Variants in PCNX2 observed in about 807,000 individuals in gnomAD.
The protein encoded by PCNX2 is pecanex-like protein 2.
PCNX2 carries 168 observed loss-of-function variants against 223.8 expected under a neutral mutation model. That is an observed-to-expected ratio of 0.75 (90% confidence interval 0.66 to 0.85). The LOEUF (loss-of-function observed/expected upper bound fraction) is 0.85, where lower values mean the gene tolerates loss of function less well. Ranked by LOEUF, PCNX2 falls within the 40% of genes least tolerant of loss-of-function variation. The probability of loss-of-function intolerance (pLI) is 0.00; values close to 1 mark genes in which losing one functional copy is unlikely to be tolerated. For missense variants in PCNX2, 2,507 were observed against 2,675.5 expected, an observed-to-expected ratio of 0.94 and a Z score of 1.39; for synonymous variants, 1,006 against 1,052.6, an observed-to-expected ratio of 0.96 and a Z score of 0.86.
chr1:233,226,760 G>A lies in PCNX2; in HGVS notation c.2504+466C>T, dbSNP rs183506976. Among the ~76,000 whole-genome samples, 308 of 152,192 alleles carry A rather than the reference G, an allele frequency of 2.0e-3. 1 individual carries two copies. Among genetic ancestry groups the A allele is most frequent in the African/African-American group, 6.9e-3 (287 of 41,528 alleles). ...ATACAAGTGAGCAATAAGAATCCAA[G>A]GTGTCCGGGAAAGAGGCAGAAATCA... On this transcript the variant is annotated intron_variant, in intron 10 of 33. Coordinates refer to ENST00000258229, the MANE Select transcript of PCNX2 (RefSeq NM_014801.4).
intron 28 of PCNX2, among the ~76,000 whole-genome samples, chr1:233,004,460 CT>C (rs537817732): frequency 2.5e-3 from 355 of 143,370 alleles, no homozygotes; most frequent in Admixed American, 2.7e-3. Flanking sequence ...ACAGTTTCTC[CT>C]TTTTTTTTTT....
intron 1 of PCNX2, among the ~76,000 whole-genome samples, chr1:233,275,361 C>T (rs566072464): frequency 2.6e-5 from 4 of 151,998 alleles, no homozygotes; most frequent in Non-Finnish European, 5.9e-5. Flanking sequence ...TGCCACCATG[C>T]CCAGATAATT....
intron 28 of PCNX2, among the ~76,000 whole-genome samples, chr1:233,004,305 C>G (rs1000945088): frequency 3.3e-5 from 5 of 152,036 alleles, no homozygotes; most frequent in Middle Eastern, 3.2e-3. Flanking sequence ...CTTCCATTTC[C>G]CACACATCAC....
the PCNX2 span, among the ~76,000 whole-genome samples, chr1:233,315,680 G>A: frequency 9.9e-5 from 15 of 152,164 alleles, no homozygotes; most frequent in South Asian, 1.2e-3. Context: ...GTAAATTTGC[G>A]CAGGGAAAGA....
intron 8 of PCNX2, among the ~76,000 whole-genome samples, chr1:233,243,544 CA>C (rs1658912638): frequency 6.6e-6 from 1 of 152,154 alleles, no homozygotes; most frequent in African/African-American, 2.4e-5. Flanking sequence ...TGTTGGAATA[CA>C]ACAGGTATTT....
chr1:233,121,497 A>G (rs1675790998), intron 21 of PCNX2, among the ~76,000 whole-genome samples: 1 of 152,244 alleles, frequency 6.6e-6, no homozygotes, highest in Non-Finnish European at 1.5e-5. Flanking sequence ...ACATATATTA[A>G]TTGAACAAAA....
chr1:233,047,876 T>G (rs749081708), intron 25 of PCNX2, among the ~76,000 whole-genome samples: 1 of 152,036 alleles, frequency 6.6e-6, no homozygotes, highest in Admixed American at 6.6e-5. Flanking sequence ...TAGAAATCTA[T>G]AGAATACTCC....
intron 15 of PCNX2, among the ~76,000 whole-genome samples, chr1:233,195,267 C>G (rs893393045): frequency 2.6e-5 from 4 of 152,206 alleles, no homozygotes; most frequent in African/African-American, 7.2e-5. Flanking sequence ...AATTTAACAT[C>G]ATTTATGATG....
At chr1:233,252,037 G>A (rs1321521021) in intron 7 of PCNX2, among the ~76,000 whole-genome samples, 3 of 152,194 alleles carry the variant, frequency 2.0e-5, no homozygotes, top group South Asian at 4.1e-4. Flanking sequence ...ATCAAAGAAC[G>A]AAAGAGATGA....
At chr1:233,060,784 T>C (rs530385642) in intron 23 of PCNX2, among the ~76,000 whole-genome samples, 35 of 152,316 alleles carry the variant, frequency 2.3e-4, no homozygotes, top group African/African-American at 7.7e-4. Flanking sequence ...TCCTAGCACT[T>C]GCCTGACAAA....
At chr1:233,288,759 TGA>T in intron 1 of PCNX2, 1 of 622,216 alleles carries the variant, frequency 1.6e-6, no homozygotes, top group South Asian at 2.2e-5. Context: ...CTGGAGGGAC[TGA>T]GTCTGTAGTT....
chr1:233,321,013 CTTTT>C, the PCNX2 span, among the ~76,000 whole-genome samples: 106 of 70,354 alleles, frequency 1.5e-3, no homozygotes, highest in Middle Eastern at 0.012. Flanking sequence ...AAAATGTCTT[CTTTT>C]TTTTTTTTTT....
At chr1:232,993,162 A>C (rs1364080055) in intron 32 of PCNX2, among the ~76,000 whole-genome samples, 2 of 152,322 alleles carry the variant, frequency 1.3e-5, no homozygotes, top group East Asian at 3.9e-4. Context: ...CAGGCAGATG[A>C]GTGAAAGTTT....
At chr1:233,306,002 G>GA in the PCNX2 span, among the ~76,000 whole-genome samples, 2 of 152,170 alleles carry the variant, frequency 1.3e-5, no homozygotes, top group Non-Finnish European at 2.9e-5. Flanking sequence ...TCAAATGCTA[G>GA]AAAAGACACA....
At chr1:233,166,660 T>C (rs1678814379) in intron 17 of PCNX2, among the ~76,000 whole-genome samples, 1 of 152,186 alleles carries the variant, frequency 6.6e-6, no homozygotes, top group African/African-American at 2.4e-5. Flanking sequence ...GAAACTAGAC[T>C]GCTCTCCTAA....
chr1:233,047,355 A>G, intron 25 of PCNX2: 1 of 981,826 alleles, frequency 1.0e-6, no homozygotes, highest in Non-Finnish European at 1.2e-6. Flanking sequence ...CAGAAAAAGC[A>G]CTGCAAAATT....
intron 15 of PCNX2, among the ~76,000 whole-genome samples, chr1:233,195,805 C>T (rs867832712): frequency 1.3e-5 from 2 of 152,100 alleles, no homozygotes; most frequent in Non-Finnish European, 2.9e-5. Context: ...GAACAATATA[C>T]CATGTTCATG....
chr1:233,106,149 G>C lies in PCNX2; in HGVS notation c.3838-10286C>G, dbSNP rs1033655979. On this transcript the variant is annotated intron_variant, in intron 21 of 33. Transcript: ENST00000258229. ...GCTCATTTCACCTTGGAGTGAAGTGGTAGAAACAACACAGTTTATGCACAC... is the reference window on the plus strand; with the variant it reads ...GCTCATTTCACCTTGGAGTGAAGTGCTAGAAACAACACAGTTTATGCACAC... Among the ~76,000 whole-genome samples, 6 of 152,072 alleles carry C rather than the reference G, an allele frequency of 3.9e-5. No individual in the cohort carries two copies. In the East Asian group the frequency reaches 1.2e-3, roughly 29 times the overall value.
rs1302080157 is a variant in PCNX2, at chr1:233,097,538, C to T, written c.3838-1675G>A. On this transcript the variant is annotated intron_variant, in intron 21 of 33. Coordinates refer to ENST00000258229, the MANE Select transcript of PCNX2 (RefSeq NM_014801.4). ...ATCTCGATTGGTTTCCAAGATCTTTCAGAAAGGCCACTTTTGTTTTAATCC... is the reference window on the plus strand; with the variant it reads ...ATCTCGATTGGTTTCCAAGATCTTTTAGAAAGGCCACTTTTGTTTTAATCC... Among the ~76,000 whole-genome samples the T allele has an allele frequency of 2.0e-5, 3 of 152,248 alleles. No homozygotes were observed. In the East Asian group the frequency reaches 5.8e-4, roughly 29 times the overall value.
Sources: gnomAD v4.1 joint callset for allele counts (sites outside exome capture counted in the v4.1 genomes callset) on GRCh38, gnomAD v4.1.1 for gene constraint, MANE v1.5 for transcripts, NCBI Gene and HGNC (gene_info 2026-07-23, HGNC 2026-07-21) for gene names.